The following STK32B variants were observed in gnomAD, a reference collection of about 807,000 sequenced individuals.
STK32B encodes the protein serine/threonine kinase 32B.
In STK32B, 43 loss-of-function variants were observed where a neutral mutation model predicts 52.6. The ratio of observed to expected loss-of-function variants is 0.82; its 90% CI spans 0.64 to 1.05. The LOEUF (loss-of-function observed/expected upper bound fraction) is 1.05. STK32B is among the 50% of genes least tolerant of loss of function. The pLI, the probability that STK32B is intolerant of heterozygous loss-of-function variation, is 0.00. For missense variants in STK32B, 621 were observed against 534.6 expected, an observed-to-expected ratio of 1.16 and a Z score of -1.59; for synonymous variants, 238 against 204.3, an observed-to-expected ratio of 1.17 and a Z score of -1.41.
intron 3 of STK32B, among the ~76,000 whole-genome samples, chr4:5,315,546 C>T (rs933343208): frequency 1.3e-5 from 2 of 151,716 alleles, no homozygotes; most frequent in Non-Finnish European, 2.9e-5. Context: ...TTTATGGATG[C>T]ATATATTGTA....
At chr4:5,275,233 G>A (rs188855884) in intron 3 of STK32B, among the ~76,000 whole-genome samples, 2 of 152,324 alleles carry the variant, frequency 1.3e-5, no homozygotes, top group African/African-American at 2.4e-5. Flanking sequence ...AAGTGATGAT[G>A]TAGATTCAAC....
chr4:5,159,505 AAT>A (rs1180485199), intron 2 of STK32B, among the ~76,000 whole-genome samples: 10 of 144,374 alleles, frequency 6.9e-5, no homozygotes, highest in African/African-American at 1.0e-4. Context: ...TATATATATG[AAT>A]ATATATATGA....
At chr4:5,492,755 T>C (rs1438462275) in intron 11 of STK32B, among the ~76,000 whole-genome samples, 1 of 151,474 alleles carries the variant, frequency 6.6e-6, no homozygotes, top group Non-Finnish European at 1.5e-5. Context: ...GTCCCATCAA[T>C]ACCAAATTTC....
chr4:5,338,691 A>C (rs1018159614), intron 4 of STK32B, among the ~76,000 whole-genome samples: 2 of 152,244 alleles, frequency 1.3e-5, no homozygotes, highest in Non-Finnish European at 2.9e-5. Flanking sequence ...CCATTTCATT[A>C]TGATTCACCA....
intron 3 of STK32B, among the ~76,000 whole-genome samples, chr4:5,241,600 A>C (rs1366258263): frequency 6.6e-6 from 1 of 151,730 alleles, no homozygotes; most frequent in African/African-American, 2.4e-5. Flanking sequence ...TTATACTTTA[A>C]GTTTTAGGAT....
intron 3 of STK32B, among the ~76,000 whole-genome samples, chr4:5,260,176 G>T (rs1560268131): frequency 6.6e-6 from 1 of 152,168 alleles, no homozygotes; most frequent in Non-Finnish European, 1.5e-5. Flanking sequence ...TATATTAAGT[G>T]AAAAAGGGAG....
At chr4:5,353,551 A>AAAAAAT in intron 4 of STK32B, among the ~76,000 whole-genome samples, 1 of 152,086 alleles carries the variant, frequency 6.6e-6, no homozygotes, top group African/African-American at 2.4e-5. Context: ...CAGTAAAAAA[A>AAAAAAT]AAAAATAAAA....
At chr4:5,487,296 A>T (rs1719305547) in intron 11 of STK32B, among the ~76,000 whole-genome samples, 1 of 152,196 alleles carries the variant, frequency 6.6e-6, no homozygotes, top group South Asian at 2.1e-4. Context: ...TAATTAGTCC[A>T]TGGGCATGAG....
chr4:5,426,258 G>A (rs530421836), intron 6 of STK32B, among the ~76,000 whole-genome samples: 15 of 152,246 alleles, frequency 9.9e-5, no homozygotes, highest in East Asian at 3.9e-4. Flanking sequence ...TCGTCCCATC[G>A]TTGAGGTCAT....
intron 3 of STK32B, among the ~76,000 whole-genome samples, chr4:5,198,209 A>G (rs1286327054): frequency 6.6e-6 from 1 of 152,216 alleles, no homozygotes; most frequent in Non-Finnish European, 1.5e-5. Flanking sequence ...ATCCCTGATT[A>G]TCTGCATAGA....
chr4:5,238,792 T>TGAGTGTGTTG (rs1403000915), intron 3 of STK32B, among the ~76,000 whole-genome samples: 1 of 152,146 alleles, frequency 6.6e-6, no homozygotes, highest in Non-Finnish European at 1.5e-5. Context: ...GTTCTCAGAG[T>TGAGTGTGTTG]CCACTGCGTG....
At chr4:5,092,302 C>T (rs62291658) in intron 1 of STK32B, among the ~76,000 whole-genome samples, 14 of 152,144 alleles carry the variant, frequency 9.2e-5, no homozygotes, top group Non-Finnish European at 1.6e-4. Context: ...GAGGCCGAGG[C>T]GGGCAGATCA....
chr4:5,444,107 C>T (rs1715097553), intron 6 of STK32B, among the ~76,000 whole-genome samples: 1 of 152,224 alleles, frequency 6.6e-6, no homozygotes, highest in Non-Finnish European at 1.5e-5. Flanking sequence ...GGCAGGCCTC[C>T]TTGAGCTGTG....
intron 4 of STK32B, among the ~76,000 whole-genome samples, chr4:5,359,542 A>G (rs1432263589): frequency 6.6e-6 from 1 of 152,130 alleles, no homozygotes; most frequent in African/African-American, 2.4e-5. Context: ...GGCAAACAAC[A>G]AAGAAAAATC....
At chr4:5,100,997 C>G (rs1243715228) in intron 1 of STK32B, among the ~76,000 whole-genome samples, 1 of 152,050 alleles carries the variant, frequency 6.6e-6, no homozygotes, top group Non-Finnish European at 1.5e-5. Context: ...CTCATGGGCT[C>G]AAGTAATCCA....
intron 1 of STK32B, among the ~76,000 whole-genome samples, chr4:5,113,323 G>C (rs563918687): frequency 6.6e-6 from 1 of 152,066 alleles, no homozygotes; most frequent in Non-Finnish European, 1.5e-5. Context: ...CCTTGATCTT[G>C]GATTCCCCAG....
At chr4:5,392,058 C>A (rs1034433194) in intron 4 of STK32B, among the ~76,000 whole-genome samples, 2 of 152,122 alleles carry the variant, frequency 1.3e-5, no homozygotes, top group African/African-American at 4.8e-5. Flanking sequence ...ATATTTGAAT[C>A]ATATTAAAAA....
chr4:5,366,503 A>G (rs551062415), intron 4 of STK32B, among the ~76,000 whole-genome samples: 1 of 152,322 alleles, frequency 6.6e-6, no homozygotes, highest in Admixed American at 6.5e-5. Context: ...TGGAGATGAG[A>G]CAAGATAACA....
intron 3 of STK32B, among the ~76,000 whole-genome samples, chr4:5,322,676 C>G (rs1018376828): frequency 2.0e-5 from 3 of 152,176 alleles, no homozygotes; most frequent in African/African-American, 7.2e-5. Flanking sequence ...TTCCTCCAGA[C>G]TCTTCCTTTC....
Sources: gnomAD v4.1 joint callset for allele counts (sites outside exome capture counted in the v4.1 genomes callset) on GRCh38, gnomAD v4.1.1 for gene constraint, MANE v1.5 for transcripts, NCBI Gene and HGNC (gene_info 2026-07-23, HGNC 2026-07-21) for gene names.